Variants in DDB1 observed in about 807,000 individuals in gnomAD.
The protein encoded by DDB1 is damage specific DNA binding protein 1, also known as DNA damage-binding protein 1.
Under a neutral mutation model 133.1 loss-of-function variants are expected in DDB1, and 18 were observed. The observed-to-expected ratio is 0.14, with a 90% confidence interval of 0.09 to 0.20. The LOEUF (loss-of-function observed/expected upper bound fraction) is 0.20, where lower values mean the gene tolerates loss of function less well. Among genes scored for constraint, DDB1 ranks in the 10% least tolerant of loss-of-function variants. The pLI is 1.00. For synonymous variants in DDB1, 580 were observed against 550.5 expected, an observed-to-expected ratio of 1.05 and a Z score of -0.75; for missense variants, 828 against 1,459.2, an observed-to-expected ratio of 0.57 and a Z score of 7.05.
In DDB1 at chr11:61,331,530, C is replaced by T. The variant is rs1344103922; in HGVS notation, c.210+13G>A. The T allele has an allele frequency of 5.0e-6, 8 of 1,612,188 alleles. No homozygotes were observed. The highest frequency in any genetic ancestry group is 6.8e-6 in the Non-Finnish European group (8 of 1,178,342). Reference sequence around the variant, plus strand: ...GTTCCCCCTCCACTGCTTGTCCCAACTGCAACACTTACCTTGGGCCTGAAA... The same window carrying T: ...GTTCCCCCTCCACTGCTTGTCCCAATTGCAACACTTACCTTGGGCCTGAAA... On this transcript the variant is annotated intron_variant, in intron 2 of 26. Coordinates refer to ENST00000301764, the MANE Select transcript of DDB1 (RefSeq NM_001923.5).
intron 9 of DDB1, 58 bp from the exon 10 acceptor site, chr11:61,321,755 T>C (rs1856184184): frequency 2.7e-6 from 4 of 1,463,068 alleles, no homozygotes; most frequent in Non-Finnish European, 2.9e-6. Context: ...CCAGTCATAC[T>C]GATGCCCAGA....
intron 7 of DDB1, chr11:61,323,447 AC>A: frequency 3.5e-6 from 1 of 287,766 alleles, no homozygotes; most frequent in Non-Finnish European, 6.8e-6. Flanking sequence ...TCTCACTGTC[AC>A]CCAGGCTGGA....
At chr11:61,313,081 G>A (rs758889224) in intron 16 of DDB1, among the ~76,000 whole-genome samples, 9 of 152,192 alleles carry the variant, frequency 5.9e-5, no homozygotes, top group African/African-American at 1.7e-4. Context: ...CCAAAGTGCC[G>A]GGACTACAGG....
chr11:61,316,229 C>T, intron 12 of DDB1, 56 bp downstream of exon 12: 2 of 1,476,348 alleles, frequency 1.4e-6, no homozygotes, highest in Non-Finnish European at 1.9e-6. Context: ...GTGCTCTGTA[C>T]TGCATCTAGG....
intron 18 of DDB1, 78 bp downstream of exon 18, chr11:61,311,706 A>C: frequency 7.6e-7 from 1 of 1,323,844 alleles, no homozygotes; most frequent in South Asian, 1.4e-5. Flanking sequence ...CAAAGCCGAA[A>C]GCCTTCACTA....
At chr11:61,309,995 T>C in intron 19 of DDB1, 35 bp from the exon 20 acceptor site, 1 of 1,614,008 alleles carries the variant, frequency 6.2e-7, no homozygotes, top group Non-Finnish European at 8.5e-7. Flanking sequence ...TGATGACAGG[T>C]TACCCATATC....
intron 24 of DDB1, 77 bp downstream of exon 24, chr11:61,302,504 TG>T: frequency 6.3e-7 from 1 of 1,596,978 alleles, no homozygotes; most frequent in Non-Finnish European, 8.6e-7. Flanking sequence ...CTTGTACAGT[TG>T]CTCTCCCCAG....
chr11:61,332,776 T>C (rs1024946222), intron 1 of DDB1, 132 bp downstream of exon 1: 17 of 763,376 alleles, frequency 2.2e-5, no homozygotes, highest in African/African-American at 9.3e-5. Flanking sequence ...TGGGGGAGGT[T>C]CCTCGGCCGC....
chr11:61,308,119 C>T (rs1466314313), intron 21 of DDB1, among the ~76,000 whole-genome samples: 1 of 152,210 alleles, frequency 6.6e-6, no homozygotes, highest in Non-Finnish European at 1.5e-5. Flanking sequence ...TGCCATCATG[C>T]TCTGAATAAA....
Position 61,300,105 on chromosome 11 carries a change from G to A in DDB1, c.*31C>T, listed in dbSNP as rs1016021115. 2.5e-6 allele frequency: 4 copies of A among 1,610,178 alleles called. No homozygotes were observed. Among genetic ancestry groups the A allele is most frequent in the African/African-American group, 1.3e-5 (1 of 74,868 alleles). ...AGGGCAGCAGGGCAAAGCCTTTGGG[G>A]AGGGTCAGCAAAGGGGCCCCCTGCC... On this transcript the variant is annotated 3_prime_UTR_variant, in exon 27 of 27. Transcript: ENST00000301764.
intron 26 of DDB1, 68 bp downstream of exon 26, chr11:61,300,741 C>G (rs1173647802): frequency 5.7e-6 from 9 of 1,592,058 alleles, no homozygotes; most frequent in Admixed American, 1.7e-5. Context: ...TGCCCAGAGA[C>G]AGTCTCCTGG....
At chr11:61,303,724 AC>A in intron 22 of DDB1, 140 bp downstream of exon 22, 319 of 835,614 alleles carry the variant, frequency 3.8e-4, no homozygotes, top group Non-Finnish European at 4.6e-4. Context: ...AAAAAAAAAA[AC>A]TTAATCAATG....
chr11:61,328,821 GATC>G (rs1318304366), intron 4 of DDB1, among the ~76,000 whole-genome samples: 1 of 152,094 alleles, frequency 6.6e-6, no homozygotes, highest in Non-Finnish European at 1.5e-5. Context: ...AGTGAGCCAA[GATC>G]AGGCCATCGC....
chr11:61,316,976 T>TATAC (rs1554961185), intron 10 of DDB1, among the ~76,000 whole-genome samples: 4 of 56,616 alleles, frequency 7.1e-5, no homozygotes, highest in Admixed American at 1.9e-4. Flanking sequence ...TATATATATA[T>TATAC]ATATATATAT....
intron 6 of DDB1, among the ~76,000 whole-genome samples, chr11:61,325,015 G>A (rs1412749567): frequency 6.6e-6 from 1 of 152,126 alleles, no homozygotes; most frequent in Non-Finnish European, 1.5e-5. Context: ...GGGCGTGATG[G>A]CACATGCCTG....
chr11:61,316,105 C>A, intron 12 of DDB1, 180 bp downstream of exon 12: 2 of 549,008 alleles, frequency 3.6e-6, no homozygotes, highest in South Asian at 3.0e-5. Context: ...CTAAAAGGAG[C>A]AACTCTAAGG....
chr11:61,322,553 A>C lies in DDB1; in HGVS notation c.1006-141T>G, dbSNP rs1017341928. On this transcript the variant is annotated intron_variant, in intron 8 of 26. Transcript: ENST00000301764. ...TCATGTTCCAAGGGATGATTCCAGA[A>C]GGGGACTATTGACGAAAGAATATGG... is the stretch of plus-strand genomic sequence containing the variant. 27 of 689,452 alleles carry C rather than the reference A, an allele frequency of 3.9e-5. No individual in the cohort carries two copies. The Admixed American group carries it at 6.2e-4, about 16-fold the overall frequency. 42.7% of individuals were successfully genotyped at this position (689,452 alleles called of 1,614,324 possible). A position where few individuals can be genotyped will look rare whatever the true frequency, so the allele number is the denominator to read the frequency against.
chr11:61,320,693 G>T (rs1856164190), intron 10 of DDB1, among the ~76,000 whole-genome samples: 2 of 152,026 alleles, frequency 1.3e-5, no homozygotes, highest in Admixed American at 1.3e-4. Flanking sequence ...CCTACCTTCA[G>T]AATTACTCTT....
intron 12 of DDB1, 53 bp downstream of exon 12, chr11:61,316,232 C>T: frequency 4.0e-6 from 6 of 1,488,958 alleles, no homozygotes; most frequent in Non-Finnish European, 5.6e-6. Flanking sequence ...CTCTGTACTG[C>T]ATCTAGGTCA....
Sources: gnomAD v4.1 joint callset for allele counts (sites outside exome capture counted in the v4.1 genomes callset) on GRCh38, gnomAD v4.1.1 for gene constraint, MANE v1.5 for transcripts, NCBI Gene and HGNC (gene_info 2026-07-23, HGNC 2026-07-21) for gene names.